Variants in TEAD1 observed in about 807,000 individuals in gnomAD.
TEAD1 encodes TEA domain transcription factor 1, also known as transcriptional enhancer factor TEF-1.
TEAD1 carries 9 observed loss-of-function variants against 54.9 expected under a neutral mutation model. That is an observed-to-expected ratio of 0.16 (90% CI 0.10 to 0.29). The LOEUF is 0.29. TEAD1 is among the 10% of genes least tolerant of loss of function. The pLI is 1.00. For synonymous variants in TEAD1, 200 were observed against 187.8 expected (o/e 1.07, Z -0.53); for missense variants, 387 against 535.9 (o/e 0.72, Z 2.74).
intron 3 of TEAD1, among the ~76,000 whole-genome samples, chr11:12,824,997 G>A (rs1341693049): frequency 6.6e-6 from 1 of 152,080 alleles, no homozygotes; most frequent in Admixed American, 6.5e-5. Context: ...TTTTGATTCT[G>A]TTCTTAATTT....
At chr11:12,776,795 T>TATTATC (rs1200838814) in intron 3 of TEAD1, among the ~76,000 whole-genome samples, 2 of 99,982 alleles carry the variant, frequency 2.0e-5, no homozygotes, top group Non-Finnish European at 3.6e-5. Flanking sequence ...TTATTATTAT[T>TATTATC]ATTATCATTA....
At chr11:12,683,106 T>A (rs1000485458) in intron 2 of TEAD1, among the ~76,000 whole-genome samples, 2 of 152,218 alleles carry the variant, frequency 1.3e-5, no homozygotes, top group Non-Finnish European at 2.9e-5. Flanking sequence ...AGAAGTTACT[T>A]TAGCTTATGT....
intron 5 of TEAD1, among the ~76,000 whole-genome samples, chr11:12,872,959 A>G (rs1264128540): frequency 6.6e-6 from 1 of 152,190 alleles, no homozygotes; most frequent in Non-Finnish European, 1.5e-5. Context: ...ATAAATTAGG[A>G]CACAGAGGCG....
chr11:12,702,480 G>A (rs762688663), intron 2 of TEAD1, among the ~76,000 whole-genome samples: 1 of 152,118 alleles, frequency 6.6e-6, no homozygotes, highest in Admixed American at 6.5e-5. Context: ...GGACAATGCC[G>A]AGAGTAGAAG....
chr11:12,920,850 T>C (rs987757924), intron 10 of TEAD1, among the ~76,000 whole-genome samples: 2 of 152,218 alleles, frequency 1.3e-5, no homozygotes, highest in Non-Finnish European at 2.9e-5. Flanking sequence ...ATCATAGATA[T>C]TCATCAGTAG....
At chr11:12,783,133 T>TGTGTGTGTGCGC (rs1198828193) in intron 3 of TEAD1, among the ~76,000 whole-genome samples, 2 of 145,496 alleles carry the variant, frequency 1.4e-5, no homozygotes, top group African/African-American at 5.4e-5. Context: ...TGTGTGTGTG[T>TGTGTGTGTGCGC]GCGCGCACTT....
chr11:12,779,401 G>A (rs1002137106), intron 3 of TEAD1, among the ~76,000 whole-genome samples: 9 of 152,122 alleles, frequency 5.9e-5, no homozygotes, highest in African/African-American at 2.2e-4. Flanking sequence ...CACAGGGTTG[G>A]GAATAAGGGT....
At chr11:12,717,991 A>G (rs1944100759) in intron 2 of TEAD1, among the ~76,000 whole-genome samples, 2 of 152,210 alleles carry the variant, frequency 1.3e-5, no homozygotes, top group Non-Finnish European at 2.9e-5. Context: ...TCTGGCTCAT[A>G]GTGAGCAGCA....
chr11:12,846,475 C>T (rs568751512), intron 3 of TEAD1, among the ~76,000 whole-genome samples: 83 of 151,704 alleles, frequency 5.5e-4, no homozygotes, highest in African/African-American at 1.9e-3. Flanking sequence ...ATTCAGGGCC[C>T]GAGCCACATA....
At chr11:12,904,926 C>G in intron 10 of TEAD1, 1 of 305,078 alleles carries the variant, frequency 3.3e-6, no homozygotes, top group Admixed American at 3.9e-5. Context: ...TACTTGAGGT[C>G]AGGGTCAGGC....
intron 8 of TEAD1, 80 bp downstream of exon 8, chr11:12,882,037 C>G: frequency 1.3e-6 from 2 of 1,484,710 alleles, no homozygotes; most frequent in Non-Finnish European, 1.9e-6. Flanking sequence ...TTCCCAGAGT[C>G]AAGAGATGCT....
intron 2 of TEAD1, among the ~76,000 whole-genome samples, chr11:12,703,189 C>T (rs1943739235): frequency 6.6e-6 from 1 of 152,130 alleles, no homozygotes; most frequent in Non-Finnish European, 1.5e-5. Flanking sequence ...CATAGCATCC[C>T]ACAGATGGAA....
intron 2 of TEAD1, among the ~76,000 whole-genome samples, chr11:12,746,823 G>T (rs953834802): frequency 2.6e-5 from 4 of 152,246 alleles, no homozygotes; most frequent in African/African-American, 9.6e-5. Context: ...CGTTCTCCCA[G>T]GATGAGCTGC....
At chr11:12,722,682 A>G (rs1240037821) in intron 2 of TEAD1, among the ~76,000 whole-genome samples, 2 of 151,176 alleles carry the variant, frequency 1.3e-5, no homozygotes, top group Non-Finnish European at 1.5e-5. Flanking sequence ...ATACACTATA[A>G]CCGCAAAAAA....
intron 2 of TEAD1, among the ~76,000 whole-genome samples, chr11:12,736,240 T>C (rs1429636186): frequency 6.6e-6 from 1 of 152,234 alleles, no homozygotes; most frequent in Non-Finnish European, 1.5e-5. Flanking sequence ...AAAACTGGAA[T>C]ATGTGGACAT....
chr11:12,674,565 C>T lies in TEAD1; in HGVS notation c.-477C>T, dbSNP rs1943033972. 6.6e-6 allele frequency: 1 copy of T among 151,080 alleles called. No homozygotes were observed. Among genetic ancestry groups the T allele is most frequent in the Non-Finnish European group, 1.5e-5 (1 of 67,796 alleles). The allele number at this position is 151,080 out of a possible 1,614,324, so 9.4% of individuals were successfully genotyped here. ...CTCGCTTCCACCCTGCGGGCCATTC[C>T]GCGCGGCGGGGCCCGGGCCCGGGGC... On this transcript the variant is annotated 5_prime_UTR_variant, in exon 1 of 13. Coordinates refer to ENST00000527636, the MANE Select transcript of TEAD1 (RefSeq NM_021961.6).
At chr11:12,865,012 ATG>A in intron 5 of TEAD1, 112 bp downstream of exon 5, 2 of 1,164,802 alleles carry the variant, frequency 1.7e-6, no homozygotes, top group Non-Finnish European at 2.6e-6. Flanking sequence ...GTTTCCTTGC[ATG>A]TGAGAGCTGT....
At chr11:12,825,759 C>T (rs1201228394) in intron 3 of TEAD1, among the ~76,000 whole-genome samples, 1 of 152,158 alleles carries the variant, frequency 6.6e-6, no homozygotes, top group African/African-American at 2.4e-5. Flanking sequence ...TCAAAACTTA[C>T]TACAAAGCTA....
intron 3 of TEAD1, among the ~76,000 whole-genome samples, chr11:12,790,349 G>A (rs774421963): frequency 1.3e-5 from 2 of 152,042 alleles, no homozygotes; most frequent in African/African-American, 4.8e-5. Flanking sequence ...TACCTCTTGG[G>A]GTTCATTTTC....
Sources: gnomAD v4.1 joint callset for allele counts (sites outside exome capture counted in the v4.1 genomes callset) on GRCh38, gnomAD v4.1.1 for gene constraint, MANE v1.5 for transcripts, NCBI Gene and HGNC (gene_info 2026-07-23, HGNC 2026-07-21) for gene names.